The following DCAF4 variants were observed in gnomAD, a reference collection of about 807,000 sequenced individuals.
DCAF4 encodes DDB1 and CUL4 associated factor 4, also known as DDB1- and CUL4-associated factor 4.
DCAF4 carries 37 observed loss-of-function variants against 60.9 expected under a neutral mutation model. That is an observed-to-expected ratio of 0.61 (90% CI 0.47 to 0.80). The LOEUF is 0.80. Ranked by LOEUF, DCAF4 falls within the 30% of genes least tolerant of loss-of-function variation. The pLI, the probability that DCAF4 is intolerant of heterozygous loss-of-function variation, is 0.00. For synonymous variants in DCAF4, 243 were observed against 254.8 expected (o/e 0.95, Z 0.44); for missense variants, 577 against 650.0 (o/e 0.89, Z 1.22).
chr14:72,931,985 C>CT (rs1567294693), intron 1 of DCAF4, among the ~76,000 whole-genome samples: 1 of 139,160 alleles, frequency 7.2e-6, no homozygotes, highest in Non-Finnish European at 1.5e-5. Context: ...TATATTTTTC[C>CT]TTCTTTTTTT....
At chr14:72,953,732 A>ATATATATAT (rs1200407934) in intron 9 of DCAF4, among the ~76,000 whole-genome samples, 6 of 21,766 alleles carry the variant, frequency 2.8e-4, no homozygotes, top group African/African-American at 1.2e-3. Flanking sequence ...AAAAAAAAAA[A>ATATATATAT]ATATATATAT....
At chr14:72,935,553 C>G (rs148903018) in intron 1 of DCAF4, among the ~76,000 whole-genome samples, 1 of 152,258 alleles carries the variant, frequency 6.6e-6, no homozygotes, top group African/African-American at 2.4e-5. Context: ...CCACATCCGG[C>G]CTTTAAAATG....
chr14:72,961,581 C>G (rs1161830479), downstream of DCAF4, among the ~76,000 whole-genome samples: 3 of 152,236 alleles, frequency 2.0e-5, no homozygotes, highest in Non-Finnish European at 4.4e-5. Flanking sequence ...ATTTCTGGCC[C>G]CTCCTGTCCC....
rs371098154 is a variant in DCAF4 at position 72,955,647 on chromosome 14, G to A, written c.1130G>A (p.Arg377Gln). The change falls in exon 12 of 14, where the codon CGG becomes CAG. Residue 377 changes from arginine to glutamine, a missense_variant. Coordinates refer to ENST00000358377, the MANE Select transcript of DCAF4 (RefSeq NM_015604.4). ...CATGATTCAGCAGTGACCTCTGTGC[G>A]GATCCTCCAAGATGAGCAATACCTG... The part of the protein sequence containing the change: ...LFHDSAVTSV[R>Q]ILQDEQYLMA... 44 of 1,613,994 alleles carry A rather than the reference G, an allele frequency of 2.7e-5. No homozygotes were observed. The highest frequency in any genetic ancestry group is 2.0e-4 in the South Asian group (18 of 91,084).
downstream of DCAF4, among the ~76,000 whole-genome samples, chr14:72,961,113 C>G (rs1202410973): frequency 6.6e-6 from 1 of 152,062 alleles, no homozygotes; most frequent in Non-Finnish European, 1.5e-5. Context: ...TCTTGAACTC[C>G]TAGGCTCAAG....
At chr14:72,931,988 CT>C (rs146250601) in intron 1 of DCAF4, among the ~76,000 whole-genome samples, 32,891 of 116,672 alleles carry the variant, frequency 0.28, 3,707 homozygotes, top group East Asian at 0.46. Flanking sequence ...ATTTTTCCTT[CT>C]TTTTTTTTTT....
In DCAF4 at chr14:72,947,152, T is replaced by C. The variant is rs1013036616; in HGVS notation, c.689T>C (p.Val230Ala). ...LYFTNRKVNS[V>A]CWASLNHLDS... ...GTGCTTCCTCACCAGGTGAATTCGG[T>C]GTGCTGGGCCTCGCTGAATCACTTG... The change falls in exon 8 of 14, where the codon GTG (valine) becomes GCG (alanine). Residue 230 changes from valine (V) to alanine (A), a missense_variant. By Grantham distance (64) the Val-to-Ala change is moderately conservative. Coordinates refer to ENST00000358377, the MANE Select transcript of DCAF4 (RefSeq NM_015604.4). 23 of 1,614,036 alleles carry C rather than the reference T, an allele frequency of 1.4e-5. No individual in the cohort carries two copies. Among genetic ancestry groups the C allele is most frequent in the Non-Finnish European group, 1.9e-5 (23 of 1,180,018 alleles).
At chr14:72,950,816 T>G (rs1891312637) in intron 8 of DCAF4, among the ~76,000 whole-genome samples, 1 of 152,146 alleles carries the variant, frequency 6.6e-6, no homozygotes, top group African/African-American at 2.4e-5. Flanking sequence ...GTATGTTTTT[T>G]TTTAAACAAA....
At chr14:72,960,715 C>G, downstream of DCAF4, 1 of 1,055,254 alleles carries the variant, frequency 9.5e-7, no homozygotes, top group Non-Finnish European at 1.2e-6. Flanking sequence ...GTGCTGCCTC[C>G]ATTTCCAGCC....
In DCAF4 at chr14:72,951,816, C is replaced by T. The variant is rs773715840; in HGVS notation, c.747C>T (p.Leu249=). The change falls in exon 9 of 14, where the codon CTC becomes CTT. Residue 249 remains leucine, a synonymous_variant. Coordinates refer to ENST00000358377, the MANE Select transcript of DCAF4 (RefSeq NM_015604.4). ...TTTCCAGGCTATGCCTCATGGGACT[C>T]GCAGAGACTCCAGGCTGTGCCACCC... ...DSHILLCLMG[L]AETPGCATLL... 5.6e-6 allele frequency: 9 copies of T among 1,614,074 alleles called. No homozygotes were observed. The highest frequency in any genetic ancestry group is 1.3e-5 in the African/African-American group (1 of 75,024).
At chr14:72,928,596 T>TATAA (rs1888033345) in intron 1 of DCAF4, among the ~76,000 whole-genome samples, 1 of 27,930 alleles carries the variant, frequency 3.6e-5, no homozygotes, top group East Asian at 3.5e-3. Context: ...TATATATATA[T>TATAA]ATATATATAT....
chr14:72,940,588 G>GT (rs750585266), intron 4 of DCAF4: 56,872 of 274,290 alleles, frequency 0.21, 5,554 homozygotes, highest in Non-Finnish European at 0.22. Context: ...TGTTCGATAA[G>GT]TTGTTTTTTT....
chr14:72,941,606 G>A (rs1196180903), intron 4 of DCAF4, 139 bp from the exon 5 acceptor site: 14 of 747,222 alleles, frequency 1.9e-5, no homozygotes, highest in South Asian at 3.6e-5. Flanking sequence ...AAAGGACACC[G>A]TCAGATTTTT....
intron 1 of DCAF4, among the ~76,000 whole-genome samples, chr14:72,931,075 A>G (rs1340669589): frequency 1.3e-5 from 2 of 152,066 alleles, no homozygotes; most frequent in Non-Finnish European, 2.9e-5. Flanking sequence ...TTTCAAGATG[A>G]TTTTGGGTAT....
At chr14:72,953,184 A>G (rs149919379) in intron 9 of DCAF4, among the ~76,000 whole-genome samples, 3,063 of 147,752 alleles carry the variant, frequency 0.021, 49 homozygotes, top group Non-Finnish European at 0.03. Flanking sequence ...TATTTTTAGT[A>G]GAGATGGGAT....
intron 5 of DCAF4, 100 bp downstream of exon 5, chr14:72,941,924 A>C: frequency 7.7e-7 from 1 of 1,296,928 alleles, no homozygotes; most frequent in Admixed American, 1.9e-5. Context: ...CCATGTGGCT[A>C]CCCCGTGAAG....
chr14:72,932,270 C>T (rs1888679865), intron 1 of DCAF4, among the ~76,000 whole-genome samples: 2 of 152,184 alleles, frequency 1.3e-5, no homozygotes, highest in Admixed American at 6.5e-5. Flanking sequence ...GGCTTACAGG[C>T]GTGAGCCACT....
downstream of DCAF4, among the ~76,000 whole-genome samples, chr14:72,961,290 C>G (rs766750331): frequency 6.6e-6 from 1 of 152,196 alleles, no homozygotes; most frequent in African/African-American, 2.4e-5. Flanking sequence ...TTCCGCTCTT[C>G]CCAACTCTGA....
rs1422424922 is a variant in DCAF4, at chr14:72,926,534, C to G, written c.-18C>G. ...GCCGGAGGGGAATCCGGAAGGGACACGCTGAACAGGTAAGACTGTGCTGCC... is the reference window on the plus strand; with the variant it reads ...GCCGGAGGGGAATCCGGAAGGGACAGGCTGAACAGGTAAGACTGTGCTGCC... On this transcript the variant is annotated 5_prime_UTR_variant, in exon 1 of 14. Coordinates refer to ENST00000358377, the MANE Select transcript of DCAF4 (RefSeq NM_015604.4). 1 of 152,374 alleles carries G rather than the reference C, an allele frequency of 6.6e-6. No homozygotes were observed. Among genetic ancestry groups the G allele is most frequent in the Non-Finnish European group, 1.5e-5 (1 of 68,160 alleles). 9.4% of individuals were successfully genotyped at this position (152,374 alleles called of 1,614,324 possible). A position where few individuals can be genotyped will look rare whatever the true frequency, so the allele number is the denominator to read the frequency against.
Sources: gnomAD v4.1 joint callset for allele counts (sites outside exome capture counted in the v4.1 genomes callset) on GRCh38, gnomAD v4.1.1 for gene constraint, MANE v1.5 for transcripts, NCBI Gene and HGNC (gene_info 2026-07-23, HGNC 2026-07-21) for gene names.